SCIN: variants seen among roughly 807,000 people sequenced by gnomAD.
SCIN encodes the protein scinderin.
Under a neutral mutation model 91.8 loss-of-function variants are expected in SCIN, and 91 were observed. That is an observed-to-expected ratio of 0.99 (90% confidence interval 0.84 to 1.18). SCIN has a LOEUF of 1.18. Ranked by LOEUF, SCIN falls within the 50% of genes most tolerant of loss-of-function variation. SCIN has a pLI of 0.00. For missense variants in SCIN, 1,087 were observed against 863.9 expected, an observed-to-expected ratio of 1.26 and a Z score of -3.24; for synonymous variants, 367 against 312.6, an observed-to-expected ratio of 1.17 and a Z score of -1.84.
At chr7:12,582,710 G>T (rs1303664955) in intron 3 of SCIN, among the ~76,000 whole-genome samples, 1 of 151,962 alleles carries the variant, frequency 6.6e-6, no homozygotes, top group African/African-American at 2.4e-5. Flanking sequence ...TATCTAGGCA[G>T]AATACACATA....
At position 12,649,538 on chromosome 7, in the gene SCIN, G is replaced by A. The variant is rs771507590; in HGVS notation, c.1953G>A (p.Trp651Ter). ...AEDDVMLLDA[W>*]EQIFIWIGKD... ...ATGATGTCATGTTACTAGATGCTTG[G>A]GAACAGGTAAAACTACATTTTGTTC... is the stretch of plus-strand genomic sequence containing the variant. Residue 651 changes from tryptophan (W) to a stop codon, truncating the protein, a stop_gained, in exon 14 of 16, where the codon TGG (tryptophan) becomes TGA (stop). Transcript: ENST00000297029. LOFTEE classifies it high-confidence loss of function. The A allele has an allele frequency of 2.5e-5, 40 of 1,594,360 alleles. No individual in the cohort carries two copies. Among genetic ancestry groups the A allele is most frequent in the Middle Eastern group, 3.3e-4 (2 of 6,024 alleles).
At position 12,624,994 on chromosome 7, in the gene SCIN, A is replaced by G. The variant is rs1783482325; in HGVS notation, c.760-16A>G. 1 of 1,550,202 alleles carries G rather than the reference A, an allele frequency of 6.5e-7. No homozygotes were observed. The highest frequency in any genetic ancestry group is 8.7e-7 in the Non-Finnish European group (1 of 1,146,516). ...ATCCCCAAATGAAAACATGGAGGTC[A>G]TGGTTTTTATATTAGGTTTCAGATG... On this transcript the variant is annotated splice_polypyrimidine_tract_variant and intron_variant, in intron 5 of 15. Coordinates refer to ENST00000297029, the MANE Select transcript of SCIN (RefSeq NM_001112706.3).
At chr7:12,573,278 G>A (rs895602139) in intron 1 of SCIN, among the ~76,000 whole-genome samples, 3 of 152,112 alleles carry the variant, frequency 2.0e-5, no homozygotes, top group Non-Finnish European at 2.9e-5. Flanking sequence ...AGAACATTTG[G>A]TTAAAGGAAA....
intron 3 of SCIN, among the ~76,000 whole-genome samples, chr7:12,581,490 C>G (rs1360358045): frequency 1.3e-5 from 2 of 152,178 alleles, no homozygotes; most frequent in Non-Finnish European, 2.9e-5. Flanking sequence ...CCCCTTCTCT[C>G]TGAACAGAGC....
chr7:12,605,045 T>A (rs1783046981), intron 4 of SCIN, among the ~76,000 whole-genome samples: 1 of 151,944 alleles, frequency 6.6e-6, no homozygotes, highest in African/African-American at 2.4e-5. Context: ...TTTTACTTGT[T>A]TTTTGTTTTT....
rs117528039 is a variant in SCIN, at chr7:12,579,266, A to G, written c.354+1048A>G. On this transcript the variant is annotated intron_variant, in intron 2 of 15. Transcript: ENST00000297029. ...ATTGAGATCAGAACAAAACACTTATACATTATAGGTTCTCTTATGTCTCTT... is the reference window on the plus strand; with the variant it reads ...ATTGAGATCAGAACAAAACACTTATGCATTATAGGTTCTCTTATGTCTCTT... Among the ~76,000 whole-genome samples, 191 of 152,268 alleles carry G rather than the reference A, an allele frequency of 1.3e-3. 2 individuals are homozygous for G. In the East Asian group the frequency reaches 0.02, roughly 16 times the overall value.
chr7:12,602,702 A>G (rs1782983681), intron 3 of SCIN, among the ~76,000 whole-genome samples: 1 of 152,180 alleles, frequency 6.6e-6, no homozygotes, highest in African/African-American at 2.4e-5. Context: ...TCTCTGCAGG[A>G]AGAAAAATAT....
chr7:12,616,698 C>A (rs1583301650), intron 4 of SCIN, among the ~76,000 whole-genome samples: 1 of 152,052 alleles, frequency 6.6e-6, no homozygotes, highest in African/African-American at 2.4e-5. Context: ...ACAGATATAT[C>A]TTGCCTCACC....
Position 12,657,572 on chromosome 7 carries a change from A to ATATATATATATATATTTTTT in SCIN, c.*4858_*4859insATATATATATATATTTTTTT. The ATATATATATATATATTTTTT allele has an allele frequency of 4.5e-5, 1 of 22,088 alleles. No individual in the cohort carries two copies. Among genetic ancestry groups the ATATATATATATATATTTTTT allele is most frequent in the Non-Finnish European group, 1.3e-4 (1 of 7,720 alleles). The allele number at this position is 22,088 out of a possible 1,614,324, so 1.4% of individuals were successfully genotyped here. Reference sequence around the variant, plus strand: ...TATATATATATATATATATATATATATTTTTTTTTTTTTTTTTTTTTTTTT... The same window carrying ATATATATATATATATTTTTT: ...TATATATATATATATATATATATATATATATATATATATATTTTTTTTTTTTTTTTTTTTTTTTTTTTTTT... On this transcript the variant is annotated 3_prime_UTR_variant, in exon 16 of 16. Transcript: ENST00000297029.
intron 4 of SCIN, among the ~76,000 whole-genome samples, chr7:12,608,720 G>A (rs1339447126): frequency 2.0e-5 from 3 of 152,038 alleles, no homozygotes; most frequent in Non-Finnish European, 4.4e-5. Flanking sequence ...CTTGTGATCC[G>A]CCGGCCTTGG....
Position 12,570,720 on chromosome 7 carries a change from T to C in SCIN, c.-67T>C, listed in dbSNP as rs1199183644. 1.3e-6 allele frequency: 2 copies of C among 1,520,128 alleles called. No homozygotes were observed. The highest frequency in any genetic ancestry group is 1.2e-5 in the South Asian group (1 of 82,658). The allele number at this position is 1,520,128 out of a possible 1,614,324, so 94.2% of individuals were successfully genotyped here. On this transcript the variant is annotated 5_prime_UTR_variant, in exon 1 of 16. Transcript: ENST00000297029. ...AAGTGGCGGCGAATAAGGTTCCTCC[T>C]GCTGCTCTCGGTTTAGTCCAAGATC...
chr7:12,579,024 CCAGA>C (rs2115207989), intron 2 of SCIN, among the ~76,000 whole-genome samples: 1 of 149,944 alleles, frequency 6.7e-6, no homozygotes, highest in South Asian at 2.1e-4. Context: ...AATACCCTCC[CCAGA>C]CAAACATCAC....
At chr7:12,620,296 A>C (rs1783381074) in intron 4 of SCIN, among the ~76,000 whole-genome samples, 1 of 152,110 alleles carries the variant, frequency 6.6e-6, no homozygotes, top group Non-Finnish European at 1.5e-5. Flanking sequence ...CTTTGTCTCC[A>C]GAACTTATTT....
chr7:12,576,385 C>T (rs1782373068), intron 1 of SCIN, among the ~76,000 whole-genome samples: 1 of 151,734 alleles, frequency 6.6e-6, no homozygotes, highest in African/African-American at 2.4e-5. Context: ...TTGTTGTTTC[C>T]CCTCAGAAGA....
In SCIN at chr7:12,626,568, T is replaced by C. The variant is rs1251790722; in HGVS notation, c.982-16T>C. ...CTTATTTTCCTGTTTACTATTATTA[T>C]TATTTTAAATTTCAGATTCAAGTTC... On this transcript the variant is annotated splice_polypyrimidine_tract_variant and intron_variant, in intron 7 of 15. Transcript: ENST00000297029. 6.7e-7 allele frequency: 1 copy of C among 1,490,568 alleles called. No homozygotes were observed. Among genetic ancestry groups the C allele is most frequent in the Non-Finnish European group, 9.1e-7 (1 of 1,097,954 alleles). 92.3% of individuals were successfully genotyped at this position (1,490,568 alleles called of 1,614,324 possible).
In SCIN at chr7:12,652,963, C is replaced by T. The variant is rs1000274066; in HGVS notation, c.*248C>T. The T allele has an allele frequency of 1.4e-5, 5 of 356,078 alleles. No homozygotes were observed. Among genetic ancestry groups the T allele is most frequent in the East Asian group, 8.0e-5 (1 of 12,508 alleles). The allele number at this position is 356,078 out of a possible 1,614,324, so 22.1% of individuals were successfully genotyped here. A position where few individuals can be genotyped will look rare whatever the true frequency, so the allele number is the denominator to read the frequency against. ...ACTAAAAATACAAAAAAATTAGCTG[C>T]GCGTGGTGGTGCACGCCTGTAGTCC... On this transcript the variant is annotated 3_prime_UTR_variant, in exon 16 of 16. Coordinates refer to ENST00000297029, the MANE Select transcript of SCIN (RefSeq NM_001112706.3).
chr7:12,641,389 G>A (rs999761071), intron 11 of SCIN, among the ~76,000 whole-genome samples: 2 of 152,140 alleles, frequency 1.3e-5, no homozygotes, highest in Non-Finnish European at 2.9e-5. Context: ...TGGCCTCAGG[G>A]ATGGGGCTGG....
At chr7:12,600,531 T>A (rs1361492366) in intron 3 of SCIN, among the ~76,000 whole-genome samples, 1 of 152,094 alleles carries the variant, frequency 6.6e-6, no homozygotes, top group African/African-American at 2.4e-5. Flanking sequence ...CAAAGATACG[T>A]GTAGGAAAAA....
rs1279871072 is a variant in SCIN, at chr7:12,651,114, G to T, written c.1960-727G>T. On this transcript the variant is annotated intron_variant, in intron 14 of 15. Transcript: ENST00000297029. The surrounding 1 kb of genome is among the most constrained non-coding windows in gnomAD (Gnocchi z 5.9). The stretch of plus-strand genomic sequence containing the variant: ...CAAGAACTAAATAAATGGCTGGATG[G>T]TTGATGCTTTTCTACCATTTTGAAG... Among the ~76,000 whole-genome samples the T allele has an allele frequency of 6.6e-6, 1 of 152,182 alleles. No homozygotes were observed. Among genetic ancestry groups the T allele is most frequent in the African/African-American group, 2.4e-5 (1 of 41,430 alleles).
Sources: allele counts gnomAD v4.1 joint callset (sites outside exome capture counted in the v4.1 genomes callset), GRCh38; gene constraint gnomAD v4.1.1; non-coding constraint Gnocchi (gnomAD v3.1); transcripts MANE v1.5; gene names NCBI Gene and HGNC (gene_info 2026-07-23, HGNC 2026-07-21).